The following MAF variants were observed in gnomAD, a reference collection of about 807,000 sequenced individuals.
MAF encodes transcription factor Maf.
In MAF, 10 loss-of-function variants were observed where a neutral mutation model predicts 22.0. The observed-to-expected ratio is 0.45, with a 90% CI of 0.28 to 0.77. The LOEUF is 0.77. MAF is among the 30% of genes least tolerant of loss of function. MAF has a pLI of 0.12. For synonymous variants in MAF, 337 were observed against 255.8 expected (o/e 1.32, Z -3.03); for missense variants, 544 against 548.4 (o/e 0.99, Z 0.08).
the MAF span, among the ~76,000 whole-genome samples, chr16:79,440,659 C>T: frequency 6.6e-6 from 1 of 152,218 alleles, no homozygotes; most frequent in East Asian, 1.9e-4. Context: ...GATCCACCCG[C>T]CTTGGCCTCC....
chr16:79,347,345 G>A, the MAF span, among the ~76,000 whole-genome samples: 6 of 152,320 alleles, frequency 3.9e-5, no homozygotes, highest in South Asian at 4.1e-4. Flanking sequence ...CCTAGTGAGT[G>A]GGTCACAGAC....
At chr16:79,308,558 A>G in the MAF span, among the ~76,000 whole-genome samples, 5 of 152,242 alleles carry the variant, frequency 3.3e-5, no homozygotes, top group Non-Finnish European at 5.9e-5. Context: ...CTGGGATCAT[A>G]AAGTATGCTT....
the MAF span, among the ~76,000 whole-genome samples, chr16:79,317,920 AC>A: frequency 1.3e-4 from 4 of 30,984 alleles, no homozygotes; most frequent in Non-Finnish European, 4.4e-4. Flanking sequence ...TCATTCACTC[AC>A]TCACTCACTC....
At chr16:79,316,882 G>T in the MAF span, among the ~76,000 whole-genome samples, 2 of 152,184 alleles carry the variant, frequency 1.3e-5, no homozygotes. Flanking sequence ...GTTGGAGAAA[G>T]CAATGTTCAT....
the MAF span, among the ~76,000 whole-genome samples, chr16:79,513,008 G>C: frequency 6.6e-6 from 1 of 152,252 alleles, no homozygotes; most frequent in African/African-American, 2.4e-5. Context: ...ACAGAGCTAG[G>C]TCTGCCCAGA....
the MAF span, among the ~76,000 whole-genome samples, chr16:79,392,659 G>C: frequency 3.3e-5 from 5 of 152,090 alleles, no homozygotes; most frequent in African/African-American, 9.7e-5. Flanking sequence ...ACAAATGAAC[G>C]AGGATTCAGA....
intron 1 of MAF, among the ~76,000 whole-genome samples, chr16:79,586,866 T>G (rs1276228334): frequency 6.6e-6 from 1 of 152,234 alleles, no homozygotes; most frequent in Admixed American, 6.5e-5. Context: ...AAAATCTGTG[T>G]ACAATAACGG....
the MAF span, among the ~76,000 whole-genome samples, chr16:79,377,825 A>T: frequency 1.3e-5 from 2 of 152,122 alleles, no homozygotes; most frequent in Non-Finnish European, 2.9e-5. Flanking sequence ...TTTGTCAAAG[A>T]TCAGATAGTG....
the MAF span, among the ~76,000 whole-genome samples, chr16:79,366,584 AC>A: frequency 6.6e-6 from 1 of 152,218 alleles, no homozygotes. Flanking sequence ...TGTGTGACTT[AC>A]TTTGATCAAG....
At chr16:79,435,435 C>T in the MAF span, among the ~76,000 whole-genome samples, 9 of 152,320 alleles carry the variant, frequency 5.9e-5, no homozygotes, top group Non-Finnish European at 8.8e-5. Context: ...CAAATAGATG[C>T]GGTCAATAGC....
chr16:79,502,511 C>G, the MAF span, among the ~76,000 whole-genome samples: 1 of 151,246 alleles, frequency 6.6e-6, no homozygotes, highest in East Asian at 1.9e-4. Context: ...ACAAAACATA[C>G]AAAAATTAGC....
At chr16:79,560,813 C>T in the MAF span, among the ~76,000 whole-genome samples, 5 of 152,214 alleles carry the variant, frequency 3.3e-5, no homozygotes, top group Non-Finnish European at 5.9e-5. Context: ...CTCCACTACC[C>T]TCCCAACTCC....
At chr16:79,212,276 C>G in the MAF span, 2 of 1,193,138 alleles carry the variant, frequency 1.7e-6, no homozygotes, top group Non-Finnish European at 2.3e-6. Flanking sequence ...TCATCCTGAC[C>G]AAGACTGAGC....
intron 1 of MAF, among the ~76,000 whole-genome samples, chr16:79,587,428 C>A (rs1912914017): frequency 6.6e-6 from 1 of 151,012 alleles, no homozygotes; most frequent in African/African-American, 2.4e-5. Context: ...GATAGGATTA[C>A]TTTTTTTTTA....
the MAF span, among the ~76,000 whole-genome samples, chr16:79,402,661 T>C: frequency 1.3e-5 from 2 of 152,200 alleles, no homozygotes; most frequent in Non-Finnish European, 2.9e-5. Flanking sequence ...GGGGTGCGGT[T>C]GGATAAAGGC....
chr16:79,389,716 C>T, the MAF span, among the ~76,000 whole-genome samples: 1 of 152,186 alleles, frequency 6.6e-6, no homozygotes, highest in Middle Eastern at 3.4e-3. Flanking sequence ...GTGGCTCACG[C>T]CTGTAATCCC....
the MAF span, chr16:79,505,800 G>C: frequency 6.6e-6 from 1 of 152,294 alleles, no homozygotes; most frequent in African/African-American, 2.4e-5. Flanking sequence ...CATGGGGATA[G>C]GGAGCTGGGG....
the MAF span, among the ~76,000 whole-genome samples, chr16:79,224,907 G>T: frequency 3.9e-5 from 6 of 152,172 alleles, no homozygotes; most frequent in Non-Finnish European, 5.9e-5. Flanking sequence ...TGGGTAGGAA[G>T]AATCAATATT....
At chr16:79,425,346 G>T in the MAF span, among the ~76,000 whole-genome samples, 1 of 151,962 alleles carries the variant, frequency 6.6e-6, no homozygotes. Context: ...GCTATCTGGA[G>T]TGTGGCCTCT....
Sources: gnomAD v4.1 joint callset for allele counts (sites outside exome capture counted in the v4.1 genomes callset) on GRCh38, gnomAD v4.1.1 for gene constraint, MANE v1.5 for transcripts, NCBI Gene and HGNC (gene_info 2026-07-23, HGNC 2026-07-21) for gene names.